Variants in TAFA1 observed in about 807,000 individuals in gnomAD.
TAFA1 encodes TAFA chemokine like family member 1.
A neutral mutation model predicts 18.5 loss-of-function variants in TAFA1; 4 were observed. That is an observed-to-expected ratio of 0.22 (90% CI 0.11 to 0.49). The LOEUF (loss-of-function observed/expected upper bound fraction) is 0.49. Among genes scored for constraint, TAFA1 ranks in the 20% least tolerant of loss-of-function variants. The pLI, the probability that TAFA1 is intolerant of heterozygous loss-of-function variation, is 0.98. For missense variants in TAFA1, 147 were observed against 169.0 expected, an observed-to-expected ratio of 0.87 and a Z score of 0.72; for synonymous variants, 56 against 55.2, an observed-to-expected ratio of 1.01 and a Z score of -0.06.
chr3:68,415,290 C>A (rs941168614), intron 2 of TAFA1, among the ~76,000 whole-genome samples: 5 of 152,308 alleles, frequency 3.3e-5, no homozygotes, highest in South Asian at 2.1e-4. Context: ...CCATTCATTG[C>A]TGTGAGGAAA....
chr3:68,159,360 G>GA (rs35291302), intron 2 of TAFA1, among the ~76,000 whole-genome samples: 1 of 151,978 alleles, frequency 6.6e-6, no homozygotes, highest in South Asian at 2.1e-4. Context: ...TGTGCTCCTT[G>GA]AAAAAAATAG....
chr3:68,124,516 A>G (rs2065441121), intron 2 of TAFA1, among the ~76,000 whole-genome samples: 1 of 152,238 alleles, frequency 6.6e-6, no homozygotes, highest in Non-Finnish European at 1.5e-5. Context: ...AAATGGAATC[A>G]TGAACATCTA....
rs566449875 is a variant in TAFA1 at position 68,412,578 on chromosome 3, C to T, written c.119-4702C>T. ...TGTGTGATGTTCCCCACCCTGTGTC[C>T]AAGTGTTCTCATTGTTCAATTCTCA... On this transcript the variant is annotated intron_variant, in intron 2 of 4. Transcript: ENST00000478136. Among the ~76,000 whole-genome samples, 22 of 152,166 alleles carry T rather than the reference C, an allele frequency of 1.4e-4. No individual in the cohort carries two copies. In the South Asian group the frequency reaches 4.4e-3, roughly 30 times the overall value.
chr3:68,211,317 A>C (rs1270228817), intron 2 of TAFA1, among the ~76,000 whole-genome samples: 1 of 152,078 alleles, frequency 6.6e-6, no homozygotes, highest in Non-Finnish European at 1.5e-5. Context: ...CAAAGTGTAT[A>C]TTCTATATGC....
At chr3:68,379,981 C>T (rs982388972) in intron 2 of TAFA1, among the ~76,000 whole-genome samples, 19 of 151,130 alleles carry the variant, frequency 1.3e-4, no homozygotes, top group Non-Finnish European at 7.4e-5. Flanking sequence ...GTGTTCTAAT[C>T]GTTCAACTCC....
chr3:68,082,977 C>T (rs2064923466), intron 2 of TAFA1, among the ~76,000 whole-genome samples: 1 of 152,190 alleles, frequency 6.6e-6, no homozygotes, highest in Admixed American at 6.5e-5. Context: ...TTTAGGGATG[C>T]TATAAGAATG....
At chr3:68,479,229 C>CAAAAAA (rs764971674) in intron 3 of TAFA1, among the ~76,000 whole-genome samples, 11 of 97,504 alleles carry the variant, frequency 1.1e-4, no homozygotes, top group African/African-American at 4.6e-4. Context: ...GACTCCATCT[C>CAAAAAA]AAAAAAAAAA....
At chr3:68,131,464 GCA>G (rs1410770743) in intron 2 of TAFA1, among the ~76,000 whole-genome samples, 1 of 152,068 alleles carries the variant, frequency 6.6e-6, no homozygotes, top group South Asian at 2.1e-4. Flanking sequence ...TACCCTTCCT[GCA>G]TCCTTATTTT....
intron 2 of TAFA1, among the ~76,000 whole-genome samples, chr3:68,136,110 C>T (rs2065603615): frequency 6.6e-6 from 1 of 152,074 alleles, no homozygotes; most frequent in African/African-American, 2.4e-5. Context: ...AGTCAATTAC[C>T]AGTCAAAATT....
chr3:68,423,524 C>G (rs1363313626), intron 3 of TAFA1, among the ~76,000 whole-genome samples: 2 of 152,114 alleles, frequency 1.3e-5, no homozygotes, highest in Non-Finnish European at 2.9e-5. Context: ...GGAAGTAAAA[C>G]CAACCATGTG....
chr3:68,465,579 G>T lies in TAFA1; in HGVS notation c.259+48159G>T, dbSNP rs77022664. 6.9e-3 allele frequency among the ~76,000 whole-genome samples: 1,049 copies of T among 152,296 alleles called. 10 individuals carry two copies. Among genetic ancestry groups the T allele is most frequent in the African/African-American group, 0.024 (1,011 of 41,564 alleles). On this transcript the variant is annotated intron_variant, in intron 3 of 4. Coordinates refer to ENST00000478136, the MANE Select transcript of TAFA1 (RefSeq NM_213609.4). ...TTAGAAATTTATTTCTGAAGTTAAAGTCTAGATGCAGATATTTCAGAACTA... is the reference window on the plus strand; with the variant it reads ...TTAGAAATTTATTTCTGAAGTTAAATTCTAGATGCAGATATTTCAGAACTA...
chr3:68,131,375 AGCTGTTTAGGCTG>A (rs2065534820), intron 2 of TAFA1, among the ~76,000 whole-genome samples: 2 of 152,154 alleles, frequency 1.3e-5, no homozygotes, highest in Admixed American at 6.5e-5. Context: ...GTGCTGTCAG[AGCTGTTTAGGCTG>A]GCCAATTAGT....
chr3:68,329,713 G>A lies in TAFA1; in HGVS notation c.119-87567G>A, dbSNP rs183368034. On this transcript the variant is annotated intron_variant, in intron 2 of 4. Transcript: ENST00000478136. ...TGCTGGTTAACCTTACACTTTGGAA[G>A]AGTTTTACATGTATAAAGTTGGAAA... 4.4e-3 allele frequency among the ~76,000 whole-genome samples: 668 copies of A among 152,308 alleles called. 5 individuals carry two copies. Among genetic ancestry groups the A allele is most frequent in the Non-Finnish European group, 7.6e-3 (517 of 68,026 alleles).
chr3:68,531,600 G>A (rs1002193576), intron 3 of TAFA1, among the ~76,000 whole-genome samples: 1 of 152,126 alleles, frequency 6.6e-6, no homozygotes, highest in Admixed American at 6.5e-5. Context: ...CCTAGAGGAA[G>A]GTCAGTTAAA....
intron 2 of TAFA1, among the ~76,000 whole-genome samples, chr3:68,235,857 A>G (rs1352202168): frequency 6.6e-6 from 1 of 152,160 alleles, no homozygotes; most frequent in African/African-American, 2.4e-5. Context: ...TAAAGCAGAA[A>G]AGAGTAGAAC....
rs1320658884 is a variant in TAFA1 at position 68,073,383 on chromosome 3, G to A, written c.118+66639G>A. ...CCTAGCAAAGGTCCACAGGACTAGAGCAATGGGCTTCTTCAGTGTTCTATG... is the reference window on the plus strand; with the variant it reads ...CCTAGCAAAGGTCCACAGGACTAGAACAATGGGCTTCTTCAGTGTTCTATG... On this transcript the variant is annotated intron_variant, in intron 2 of 4. Coordinates refer to ENST00000478136, the MANE Select transcript of TAFA1 (RefSeq NM_213609.4). Among the ~76,000 whole-genome samples the A allele has an allele frequency of 1.3e-5, 2 of 152,208 alleles. 1 individual carries two copies. The highest frequency in any genetic ancestry group is 4.1e-4 in the South Asian group (2 of 4,832).
At chr3:68,373,002 G>C (rs1215304941) in intron 2 of TAFA1, among the ~76,000 whole-genome samples, 1 of 152,142 alleles carries the variant, frequency 6.6e-6, no homozygotes, top group Admixed American at 6.6e-5. Flanking sequence ...GGTCTCCAAA[G>C]CCCAAGAAAT....
chr3:68,158,430 C>A (rs528858308), intron 2 of TAFA1, among the ~76,000 whole-genome samples: 33 of 151,984 alleles, frequency 2.2e-4, no homozygotes, highest in Non-Finnish European at 3.7e-4. Flanking sequence ...ATGACTTGCT[C>A]ATGAAGCTGA....
chr3:68,394,778 C>A (rs1374351710), intron 2 of TAFA1, among the ~76,000 whole-genome samples: 2 of 152,160 alleles, frequency 1.3e-5, no homozygotes, highest in Non-Finnish European at 2.9e-5. Context: ...CTCTTCCTTA[C>A]ACTTTATACA....
Sources: allele counts gnomAD v4.1 joint callset (sites outside exome capture counted in the v4.1 genomes callset), GRCh38; gene constraint gnomAD v4.1.1; transcripts MANE v1.5; gene names NCBI Gene and HGNC (gene_info 2026-07-23, HGNC 2026-07-21).